EPS8: variants seen among roughly 807,000 people sequenced by gnomAD.
EPS8 encodes EGFR pathway substrate 8, signaling adaptor, also known as epidermal growth factor receptor kinase substrate 8.
EPS8 carries 42 observed loss-of-function variants against 103.8 expected under a neutral mutation model. The observed-to-expected ratio is 0.40, with a 90% confidence interval of 0.32 to 0.52. The LOEUF (loss-of-function observed/expected upper bound fraction) is 0.52. Ranked by LOEUF, EPS8 falls within the 20% of genes least tolerant of loss-of-function variation. The pLI, the probability that EPS8 is intolerant of heterozygous loss-of-function variation, is 0.40. For missense variants in EPS8, 969 were observed against 1,005.1 expected (o/e 0.96, Z 0.49); for synonymous variants, 344 against 344.6 (o/e 1.00, Z 0.02).
intron 17 of EPS8, among the ~76,000 whole-genome samples, chr12:15,637,062 C>T (rs113279321): frequency 0.021 from 3,191 of 152,330 alleles, 136 homozygotes; most frequent in African/African-American, 0.074. Context: ...CGCTCTGTCG[C>T]CAGGCTGGAG....
At chr12:15,758,636 T>C (rs1258625924) in intron 1 of EPS8, among the ~76,000 whole-genome samples, 2 of 152,226 alleles carry the variant, frequency 1.3e-5, no homozygotes, top group African/African-American at 2.4e-5. Flanking sequence ...ACGCAACACA[T>C]TGGCCTTGAT....
At chr12:15,737,944 A>G (rs1946782701) in intron 1 of EPS8, among the ~76,000 whole-genome samples, 1 of 152,162 alleles carries the variant, frequency 6.6e-6, no homozygotes, top group Non-Finnish European at 1.5e-5. Flanking sequence ...GACTCCTGTC[A>G]TTAAAAACTC....
Position 15,776,418 on chromosome 12 carries a change from A to G in EPS8, c.-22+12743T>C, listed in dbSNP as rs1197627099. The stretch of plus-strand genomic sequence containing the variant: ...CTGGCTTAGGTGAGTGACCTACTCT[A>G]AAAACCTTCCCCTCAAGTTCACATG... On this transcript the variant is annotated intron_variant, in intron 1 of 20. Transcript: ENST00000281172. This position sits in a 1 kb window ranked among gnomAD's most constrained non-coding sequence, Gnocchi z 4.2. Among the ~76,000 whole-genome samples, 3 of 152,174 alleles carry G rather than the reference A, an allele frequency of 2.0e-5. No individual in the cohort carries two copies. Among genetic ancestry groups the G allele is most frequent in the Non-Finnish European group, 4.4e-5 (3 of 68,026 alleles).
In EPS8 at chr12:15,647,296, A is replaced by G. The variant is rs766794699; in HGVS notation, c.1435-36T>C. ...AAGTGGGGCAGATTAAAGAATCACC[A>G]AATACTATTTGAATCAGCACTCAGG... On this transcript the variant is annotated intron_variant, in intron 14 of 20. Transcript: ENST00000281172. The G allele has an allele frequency of 5.0e-6, 8 of 1,589,666 alleles. No homozygotes were observed. In the South Asian group the frequency reaches 9.1e-5, roughly 18 times the overall value.
chr12:15,630,204 T>A (rs199852496), intron 18 of EPS8, among the ~76,000 whole-genome samples: 53 of 148,988 alleles, frequency 3.6e-4, no homozygotes, highest in East Asian at 7.9e-4. Context: ...TCTCTCTCAC[T>A]CACACACACA....
rs1215349495 is a variant in EPS8 at position 15,757,212 on chromosome 12, C to A, written c.-22+31949G>T. Reference sequence around the variant, plus strand: ...CTAAAATTGTTACCATTTTAAATACCCTCAAAACAGTGGTGTAGAGTGAAA... The same window carrying A: ...CTAAAATTGTTACCATTTTAAATACACTCAAAACAGTGGTGTAGAGTGAAA... On this transcript the variant is annotated intron_variant, in intron 1 of 20. Coordinates refer to ENST00000281172, the MANE Select transcript of EPS8 (RefSeq NM_004447.6). This position sits in a 1 kb window ranked among gnomAD's most constrained non-coding sequence, Gnocchi z 4.1. Among the ~76,000 whole-genome samples the A allele has an allele frequency of 2.0e-5, 3 of 151,968 alleles. No homozygotes were observed. The highest frequency in any genetic ancestry group is 2.9e-5 in the Non-Finnish European group (2 of 67,982).
intron 1 of EPS8, among the ~76,000 whole-genome samples, chr12:15,746,166 C>G (rs946770919): frequency 2.6e-5 from 4 of 152,146 alleles, no homozygotes; most frequent in Non-Finnish European, 4.4e-5. Flanking sequence ...AAGCAGGAGT[C>G]AGGGGGAGAC....
intron 8 of EPS8, among the ~76,000 whole-genome samples, chr12:15,663,940 A>ATTAT (rs1565487214): frequency 0.025 from 272 of 10,754 alleles, 12 homozygotes; most frequent in African/African-American, 0.04. Flanking sequence ...AAAAAAAAAA[A>ATTAT]AAAAAATAAT....
intron 1 of EPS8, among the ~76,000 whole-genome samples, chr12:15,765,960 C>A (rs374150412): frequency 1.3e-5 from 2 of 151,320 alleles, no homozygotes; most frequent in African/African-American, 4.8e-5. Flanking sequence ...ATTACAGGCG[C>A]GTGCCACCAT....
rs1288718853 is a variant in EPS8 at position 15,785,420 on chromosome 12, C to G, written c.-22+3741G>C. Among the ~76,000 whole-genome samples the G allele has an allele frequency of 2.0e-5, 3 of 152,082 alleles. No homozygotes were observed. The highest frequency in any genetic ancestry group is 4.4e-5 in the Non-Finnish European group (3 of 67,944). Reference sequence around the variant, plus strand: ...CAAATGTATGGCAGATGGTGCAAACCAGGTTTCTTCTCACTGTTGGAGTAA... The same window carrying G: ...CAAATGTATGGCAGATGGTGCAAACGAGGTTTCTTCTCACTGTTGGAGTAA... On this transcript the variant is annotated intron_variant, in intron 1 of 20. Transcript: ENST00000281172. The surrounding 1 kb of genome is among the most constrained non-coding windows in gnomAD (Gnocchi z 4.9).
intron 1 of EPS8, among the ~76,000 whole-genome samples, chr12:15,742,299 A>G (rs1478322760): frequency 1.3e-5 from 2 of 152,232 alleles, no homozygotes; most frequent in African/African-American, 4.8e-5. Flanking sequence ...ACTGTCTTCC[A>G]CAATGGTTGA....
At chr12:15,708,986 C>G (rs1946425170) in intron 1 of EPS8, among the ~76,000 whole-genome samples, 1 of 152,220 alleles carries the variant, frequency 6.6e-6, no homozygotes, top group African/African-American at 2.4e-5. Flanking sequence ...TGGGGACAGC[C>G]TGATTCAGAG....
In EPS8 at chr12:15,760,722, C is replaced by T. The variant is rs1947032653; in HGVS notation, c.-22+28439G>A. 6.6e-6 allele frequency among the ~76,000 whole-genome samples: 1 copy of T among 151,844 alleles called. No homozygotes were observed. Among genetic ancestry groups the T allele is most frequent in the Non-Finnish European group, 1.5e-5 (1 of 67,858 alleles). On this transcript the variant is annotated intron_variant, in intron 1 of 20. Coordinates refer to ENST00000281172, the MANE Select transcript of EPS8 (RefSeq NM_004447.6). This position sits in a 1 kb window ranked among gnomAD's most constrained non-coding sequence, Gnocchi z 4.5. ...ACCATATAATCATATCAATTGATGCCAAAAATGCATTTGATTAAATTTAAC... is the reference window on the plus strand; with the variant it reads ...ACCATATAATCATATCAATTGATGCTAAAAATGCATTTGATTAAATTTAAC...
rs1221898075 is a variant in EPS8 at position 15,625,397 on chromosome 12, C to T, written c.2045-990G>A. On this transcript the variant is annotated intron_variant, in intron 18 of 20. Coordinates refer to ENST00000281172, the MANE Select transcript of EPS8 (RefSeq NM_004447.6). ...TGCTATTATTTTATGATTTCTGTTA[C>T]CTTTAAACAAGTCCTTTTTACCATG... 2.0e-5 allele frequency among the ~76,000 whole-genome samples: 3 copies of T among 152,080 alleles called. No homozygotes were observed. The East Asian group carries it at 5.8e-4, about 29-fold the overall frequency.
At chr12:15,699,536 A>C (rs1053250722) in intron 1 of EPS8, among the ~76,000 whole-genome samples, 4 of 152,228 alleles carry the variant, frequency 2.6e-5, no homozygotes, top group African/African-American at 9.6e-5. Context: ...TTATAAAATG[A>C]AATTCACTAA....
intron 15 of EPS8, 148 bp downstream of exon 15, chr12:15,646,979 C>T: frequency 1.4e-6 from 1 of 699,174 alleles, no homozygotes; most frequent in Non-Finnish European, 2.2e-6. Context: ...AAAACCAGTT[C>T]TCTAAAGGAA....
chr12:15,662,153 AC>A, intron 8 of EPS8, 54 bp from the exon 9 acceptor site: 1 of 1,568,696 alleles, frequency 6.4e-7, no homozygotes, highest in Non-Finnish European at 8.8e-7. Context: ...CAATACCAAT[AC>A]AGACAATTAA....
At chr12:15,783,721 A>C (rs1004055010) in intron 1 of EPS8, among the ~76,000 whole-genome samples, 2 of 151,478 alleles carry the variant, frequency 1.3e-5, no homozygotes, top group Non-Finnish European at 2.9e-5. Flanking sequence ...TTAGTAAAAA[A>C]AAAAAAAAAA....
chr12:15,655,377 G>A (rs1945489628), intron 12 of EPS8, among the ~76,000 whole-genome samples: 1 of 152,130 alleles, frequency 6.6e-6, no homozygotes, highest in African/African-American at 2.4e-5. Context: ...TGTAATTTAT[G>A]CATATTCGTA....
Sources: allele counts gnomAD v4.1 joint callset (sites outside exome capture counted in the v4.1 genomes callset), GRCh38; gene constraint gnomAD v4.1.1; non-coding constraint Gnocchi (gnomAD v3.1); transcripts MANE v1.5; gene names NCBI Gene and HGNC (gene_info 2026-07-23, HGNC 2026-07-21).